The following DLGAP1 variants were observed in gnomAD, a reference collection of about 807,000 sequenced individuals.
DLGAP1 encodes disks large-associated protein 1.
In DLGAP1, 11 loss-of-function variants were observed where a neutral mutation model predicts 90.8. The ratio of observed to expected loss-of-function variants is 0.12; its 90% CI spans 0.08 to 0.20. The LOEUF (loss-of-function observed/expected upper bound fraction) is 0.20, where lower values mean the gene tolerates loss of function less well. Among genes scored for constraint, DLGAP1 ranks in the 10% least tolerant of loss-of-function variants. The pLI is 1.00. For missense variants in DLGAP1, 1,050 were observed against 1,333.8 expected, an observed-to-expected ratio of 0.79 and a Z score of 3.31; for synonymous variants, 558 against 540.7, an observed-to-expected ratio of 1.03 and a Z score of -0.44.
intron 1 of DLGAP1, among the ~76,000 whole-genome samples, chr18:4,260,163 G>T (rs1218288623): frequency 6.6e-6 from 1 of 152,180 alleles, no homozygotes; most frequent in African/African-American, 2.4e-5. Flanking sequence ...TTCTTTAGGA[G>T]AATGTGGTTC....
At chr18:3,759,703 C>T (rs1328383251) in intron 5 of DLGAP1, among the ~76,000 whole-genome samples, 2 of 152,196 alleles carry the variant, frequency 1.3e-5, no homozygotes, top group African/African-American at 2.4e-5. Context: ...GCAGAACTGA[C>T]TTCAGTGTAA....
intron 7 of DLGAP1, among the ~76,000 whole-genome samples, chr18:3,676,973 T>C (rs1322247878): frequency 2.6e-5 from 4 of 152,172 alleles, no homozygotes; most frequent in Non-Finnish European, 5.9e-5. Context: ...GCCACCACCC[T>C]TTAAACTCTT....
At chr18:4,301,462 ATTTC>A (rs1247444802) in intron 1 of DLGAP1, among the ~76,000 whole-genome samples, 2 of 152,174 alleles carry the variant, frequency 1.3e-5, no homozygotes, top group African/African-American at 4.8e-5. Flanking sequence ...AAACAATTAA[ATTTC>A]TTTCTTTTTA....
intron 2 of DLGAP1, among the ~76,000 whole-genome samples, chr18:4,075,972 T>A (rs1440402108): frequency 6.6e-6 from 1 of 152,180 alleles, no homozygotes; most frequent in African/African-American, 2.4e-5. Flanking sequence ...GCTCTAGGGC[T>A]CTTTTGCAGT....
At chr18:4,418,486 G>A (rs891015088) in intron 1 of DLGAP1, among the ~76,000 whole-genome samples, 3 of 152,098 alleles carry the variant, frequency 2.0e-5, no homozygotes, top group Non-Finnish European at 4.4e-5. Flanking sequence ...AGATCAGGTT[G>A]GAAGTTTAGC....
chr18:3,508,917 G>A (rs2050383771), intron 10 of DLGAP1, among the ~76,000 whole-genome samples: 1 of 151,622 alleles, frequency 6.6e-6, no homozygotes, highest in Non-Finnish European at 1.5e-5. Context: ...GGGAGCAATG[G>A]AGTTTTCCAG....
At chr18:3,599,913 A>C (rs573936766) in intron 7 of DLGAP1, among the ~76,000 whole-genome samples, 193 of 148,568 alleles carry the variant, frequency 1.3e-3, no homozygotes, top group African/African-American at 4.7e-3. Context: ...CACCATTCCC[A>C]GCCAATTTTT....
At chr18:4,172,048 T>C (rs1009695069) in intron 1 of DLGAP1, among the ~76,000 whole-genome samples, 10 of 152,222 alleles carry the variant, frequency 6.6e-5, no homozygotes, top group African/African-American at 2.4e-4. Flanking sequence ...TTTTCCTTCC[T>C]TTTCAAAGAG....
intron 1 of DLGAP1, among the ~76,000 whole-genome samples, chr18:4,423,407 T>C (rs1025481062): frequency 6.6e-6 from 1 of 152,216 alleles, no homozygotes; most frequent in Non-Finnish European, 1.5e-5. Context: ...CGTAATTCAC[T>C]GTATGACTCT....
intron 1 of DLGAP1, among the ~76,000 whole-genome samples, chr18:4,266,443 C>A (rs553640983): frequency 1.3e-5 from 2 of 152,322 alleles, no homozygotes; most frequent in African/African-American, 2.4e-5. Flanking sequence ...TGGGCTAAAT[C>A]ATTTTTGAAG....
At chr18:3,599,899 G>C (rs1170725577) in intron 7 of DLGAP1, among the ~76,000 whole-genome samples, 1 of 151,934 alleles carries the variant, frequency 6.6e-6, no homozygotes, top group African/African-American at 2.4e-5. Context: ...TTACAGGCGT[G>C]AGCCACCATT....
In DLGAP1 at chr18:3,847,617, G is replaced by C. The variant is rs545292324; in HGVS notation, c.957+31495C>G. Among the ~76,000 whole-genome samples, 72 of 152,192 alleles carry C rather than the reference G, an allele frequency of 4.7e-4. 1 individual carries two copies. In the South Asian group the frequency reaches 0.014, roughly 30 times the overall value. ...GGGCAGGCAATTCAGGGGAAGGTAGGATCACCAAACGTAATTATAGCAACA... is the reference window on the plus strand; with the variant it reads ...GGGCAGGCAATTCAGGGGAAGGTAGCATCACCAAACGTAATTATAGCAACA... On this transcript the variant is annotated intron_variant, in intron 4 of 12. Coordinates refer to ENST00000315677, the MANE Select transcript of DLGAP1 (RefSeq NM_004746.4).
intron 3 of DLGAP1, among the ~76,000 whole-genome samples, chr18:3,883,003 G>C (rs1000901998): frequency 2.0e-5 from 3 of 152,200 alleles, no homozygotes; most frequent in African/African-American, 7.2e-5. Flanking sequence ...TAGCACTTTG[G>C]GGGGCCGAGG....
At chr18:4,284,754 G>A (rs953641630) in intron 1 of DLGAP1, among the ~76,000 whole-genome samples, 2 of 152,122 alleles carry the variant, frequency 1.3e-5, no homozygotes, top group African/African-American at 4.8e-5. Flanking sequence ...TATAGGAAGT[G>A]GACTGCAGGC....
intron 1 of DLGAP1, among the ~76,000 whole-genome samples, chr18:4,274,721 C>A (rs909857838): frequency 1.3e-5 from 2 of 152,040 alleles, no homozygotes; most frequent in African/African-American, 4.8e-5. Context: ...ATTGAGAAAA[C>A]CACAACAATT....
chr18:3,772,348 CTTTCTT>C (rs1396819288), intron 5 of DLGAP1, among the ~76,000 whole-genome samples: 5 of 2,238 alleles, frequency 2.2e-3, no homozygotes, highest in Non-Finnish European at 3.2e-3. Flanking sequence ...CTCTCTCTCT[CTTTCTT>C]TCTTTCTTTC....
chr18:3,966,969 G>A (rs2073344940), intron 3 of DLGAP1, among the ~76,000 whole-genome samples: 1 of 152,172 alleles, frequency 6.6e-6, no homozygotes, highest in African/African-American at 2.4e-5. Context: ...AAGAGAGGAG[G>A]AGGAGGAGGA....
intron 1 of DLGAP1, among the ~76,000 whole-genome samples, chr18:4,420,030 G>A (rs532865069): frequency 4.6e-5 from 7 of 152,200 alleles, no homozygotes; most frequent in African/African-American, 1.7e-4. Flanking sequence ...ACTAACCCAA[G>A]AAAGCAAGGG....
At chr18:3,600,977 T>TAG (rs2056968188) in intron 7 of DLGAP1, among the ~76,000 whole-genome samples, 1 of 109,948 alleles carries the variant, frequency 9.1e-6, no homozygotes, top group Non-Finnish European at 1.9e-5. Flanking sequence ...TAGATAGATA[T>TAG]ATAGATATAG....
Sources: gnomAD v4.1 joint callset for allele counts (sites outside exome capture counted in the v4.1 genomes callset) on GRCh38, gnomAD v4.1.1 for gene constraint, MANE v1.5 for transcripts, NCBI Gene and HGNC (gene_info 2026-07-23, HGNC 2026-07-21) for gene names.